The following BSCL2 variants were observed in gnomAD, a reference collection of about 807,000 sequenced individuals.
BSCL2 encodes the protein BSCL2 lipid droplet biogenesis associated, seipin.
Under a neutral mutation model 57.4 loss-of-function variants are expected in BSCL2, and 41 were observed. The observed-to-expected ratio is 0.71, with a 90% CI of 0.56 to 0.93. The LOEUF is 0.93. BSCL2 is among the 40% of genes least tolerant of loss of function. The probability of loss-of-function intolerance (pLI) is 0.00; values close to 1 mark genes in which losing one functional copy is unlikely to be tolerated. For missense variants in BSCL2, 539 were observed against 586.7 expected, an observed-to-expected ratio of 0.92 and a Z score of 0.84; for synonymous variants, 237 against 227.3, an observed-to-expected ratio of 1.04 and a Z score of -0.38.
At chr11:62,696,495 CA>C in intron 3 of BSCL2, among the ~76,000 whole-genome samples, 1 of 148,988 alleles carries the variant, frequency 6.7e-6, no homozygotes. Flanking sequence ...TTTGGAGAGA[CA>C]GGGGTCTTGC....
chr11:62,702,261 T>C (rs941571527), intron 3 of BSCL2, among the ~76,000 whole-genome samples: 4 of 152,130 alleles, frequency 2.6e-5, no homozygotes, highest in African/African-American at 9.7e-5. Flanking sequence ...AGACGGGGTT[T>C]CTCCGCGTTG....
At position 62,696,066 on chromosome 11, in the gene BSCL2, G is replaced by A. The variant is rs548912520; in HGVS notation, c.487-1355C>T. Among the ~76,000 whole-genome samples the A allele has an allele frequency of 2.6e-5, 4 of 152,196 alleles. No individual in the cohort carries two copies. In the South Asian group the frequency reaches 6.2e-4, roughly 24 times the overall value. ...CAGGCACCTGTAATCCCAGCTACTC[G>A]GAGGCTGAGGCAGAGAGCTGCTTGA... On this transcript the variant is annotated intron_variant, in intron 3 of 10. Coordinates refer to ENST00000360796, the MANE Select transcript of BSCL2 (RefSeq NM_001122955.4).
chr11:62,695,334 G>A (rs1254353162), intron 3 of BSCL2, among the ~76,000 whole-genome samples: 1 of 151,882 alleles, frequency 6.6e-6, no homozygotes, highest in East Asian at 1.9e-4. Context: ...TGGCAACAAG[G>A]CCCTCACACA....
chr11:62,690,281 G>A lies in BSCL2; in HGVS notation c.*86C>T. The A allele has an allele frequency of 6.3e-7, 1 of 1,586,272 alleles. No individual in the cohort carries two copies. The highest frequency in any genetic ancestry group is 8.6e-7 in the Non-Finnish European group (1 of 1,157,920). ...CCATTTCAGAGTCAAGGAAGAAGCT[G>A]ACACAAAATAGTTTATTGAAGGAAA... On this transcript the variant is annotated 3_prime_UTR_variant, in exon 11 of 11. Transcript: ENST00000360796.
At chr11:62,701,829 GAAA>G (rs139041776) in intron 3 of BSCL2, among the ~76,000 whole-genome samples, 1 of 121,014 alleles carries the variant, frequency 8.3e-6, no homozygotes, top group Admixed American at 8.8e-5. Context: ...AGACTGTCTG[GAAA>G]AAAAAAAAAA....
chr11:62,700,320 C>T (rs1346086115), intron 3 of BSCL2, among the ~76,000 whole-genome samples: 1 of 152,088 alleles, frequency 6.6e-6, no homozygotes, highest in East Asian at 1.9e-4. Context: ...ATCATTACAT[C>T]AGTTTCCTCC....
At chr11:62,708,399 G>A (rs763795747), upstream of BSCL2, 7 of 1,600,906 alleles carry the variant, frequency 4.4e-6, no homozygotes, top group Non-Finnish European at 6.0e-6. Flanking sequence ...ATAAAGGTAG[G>A]TGGGACCCTG....
chr11:62,709,476 G>A (rs1214642187), upstream of BSCL2: 2 of 453,874 alleles, frequency 4.4e-6, no homozygotes, highest in Admixed American at 2.4e-5. Flanking sequence ...TTTAGGGGAG[G>A]GTGCGGGAGT....
intron 3 of BSCL2, 150 bp from the exon 4 acceptor site, chr11:62,694,861 C>T: frequency 1.0e-6 from 1 of 955,502 alleles, no homozygotes; most frequent in Non-Finnish European, 1.6e-6. Flanking sequence ...ATCTGTCATC[C>T]CAAGAAGGTG....
At chr11:62,690,757 G>A (rs1945287540) in intron 9 of BSCL2, 30 bp downstream of exon 9, 1 of 1,613,666 alleles carries the variant, frequency 6.2e-7, no homozygotes, top group African/African-American at 1.3e-5. Flanking sequence ...AAGGAGTCAG[G>A]AAGGAGAGAG....
chr11:62,702,700 G>C, intron 2 of BSCL2, 151 bp from the exon 3 acceptor site: 1 of 671,648 alleles, frequency 1.5e-6, no homozygotes, highest in Non-Finnish European at 2.8e-6. Flanking sequence ...AACAAATGTG[G>C]CCAGGAGATT....
At chr11:62,701,376 G>C (rs1344330628) in intron 3 of BSCL2, among the ~76,000 whole-genome samples, 2 of 152,132 alleles carry the variant, frequency 1.3e-5, no homozygotes, top group Non-Finnish European at 2.9e-5. Flanking sequence ...AACGCATTTA[G>C]TACACCTAAC....
At chr11:62,708,392 A>C, upstream of BSCL2, 3 of 1,608,120 alleles carry the variant, frequency 1.9e-6, no homozygotes, top group Non-Finnish European at 2.6e-6. Context: ...GTGTCGGATA[A>C]AGGTAGGTGG....
At chr11:62,708,424 G>T, upstream of BSCL2, 1 of 1,496,898 alleles carries the variant, frequency 6.7e-7, no homozygotes, top group Non-Finnish European at 9.3e-7. Flanking sequence ...GCTCCCATTA[G>T]TTGGCCAGGC....
chr11:62,709,101 TCAGA>T (rs1350405628), upstream of BSCL2: 3 of 482,058 alleles, frequency 6.2e-6, no homozygotes, highest in African/African-American at 2.0e-5. Flanking sequence ...GGTGACCTGC[TCAGA>T]CAATGGAGAG....
At position 62,696,348 on chromosome 11, in the gene BSCL2, G is replaced by A. The variant is rs1945462276; in HGVS notation, c.487-1637C>T. ...GTCTTGCTCTGTCACAGGCTGGAAG[G>A]CAGTGGCATGATCATGGCTCACTGT... On this transcript the variant is annotated intron_variant, in intron 3 of 10. Transcript: ENST00000360796. Among the ~76,000 whole-genome samples, 5 of 143,912 alleles carry A rather than the reference G, an allele frequency of 3.5e-5. No homozygotes were observed. In the South Asian group the frequency reaches 1.2e-3, roughly 34 times the overall value. The allele number at this position is 143,912 out of a possible 152,430, so 94.4% of individuals were successfully genotyped here.
intron 2 of BSCL2, among the ~76,000 whole-genome samples, chr11:62,704,020 C>G (rs1945734016): frequency 6.6e-6 from 1 of 150,758 alleles, no homozygotes; most frequent in Non-Finnish European, 1.5e-5. Flanking sequence ...ACTTGGGAGG[C>G]TGAGGCAAGG....
intron 4 of BSCL2, among the ~76,000 whole-genome samples, chr11:62,694,118 T>C (rs1437366264): frequency 6.6e-6 from 1 of 151,228 alleles, no homozygotes; most frequent in Non-Finnish European, 1.5e-5. Context: ...CCGGCCTTGA[T>C]TCCCTTCTTT....
intron 2 of BSCL2, among the ~76,000 whole-genome samples, chr11:62,705,075 CTTTTTTTTTTTTT>C: frequency 7.5e-6 from 1 of 133,014 alleles, no homozygotes; most frequent in South Asian, 2.4e-4. Flanking sequence ...GATATTTTTC[CTTTTTTTTTTTTT>C]TTTTTTAACC....
Sources: allele counts gnomAD v4.1 joint callset (sites outside exome capture counted in the v4.1 genomes callset), GRCh38; gene constraint gnomAD v4.1.1; transcripts MANE v1.5; gene names NCBI Gene and HGNC (gene_info 2026-07-23, HGNC 2026-07-21).